Variants in DCC observed in about 807,000 individuals in gnomAD.
DCC encodes the protein netrin receptor DCC.
DCC carries 58 observed loss-of-function variants against 172.5 expected under a neutral mutation model. The observed-to-expected ratio is 0.34, with a 90% CI of 0.27 to 0.42. The LOEUF is 0.42. Ranked by LOEUF, DCC falls within the 10% of genes least tolerant of loss-of-function variation. The probability of loss-of-function intolerance (pLI) is 1.00; values close to 1 mark genes in which losing one functional copy is unlikely to be tolerated. For synonymous variants in DCC, 709 were observed against 644.5 expected, an observed-to-expected ratio of 1.10 and a Z score of -1.52; for missense variants, 1,740 against 1,791.0, an observed-to-expected ratio of 0.97 and a Z score of 0.51.
chr18:52,398,196 A>C (rs1383327545), intron 1 of DCC, among the ~76,000 whole-genome samples: 2 of 152,022 alleles, frequency 1.3e-5, no homozygotes, highest in Non-Finnish European at 2.9e-5. Flanking sequence ...GGATTTCACA[A>C]CTTTGGTCCC....
At chr18:53,465,986 G>A (rs1015355517) in intron 24 of DCC, among the ~76,000 whole-genome samples, 2 of 151,992 alleles carry the variant, frequency 1.3e-5, no homozygotes, top group Non-Finnish European at 2.9e-5. Context: ...GGATGGTCTC[G>A]ATCTCCTGAC....
chr18:52,538,778 T>C (rs1427189176), intron 1 of DCC, among the ~76,000 whole-genome samples: 3 of 152,206 alleles, frequency 2.0e-5, no homozygotes, highest in Non-Finnish European at 4.4e-5. Flanking sequence ...TTTTTTTTTC[T>C]TTTAACCTTG....
chr18:52,918,000 C>T (rs1392331308), intron 3 of DCC, among the ~76,000 whole-genome samples: 3 of 151,954 alleles, frequency 2.0e-5, no homozygotes, highest in African/African-American at 7.2e-5. Context: ...TTTCTGCTGG[C>T]TTGAATAAAA....
chr18:53,368,261 C>T (rs2058026157), intron 15 of DCC, among the ~76,000 whole-genome samples: 1 of 151,996 alleles, frequency 6.6e-6, no homozygotes, highest in South Asian at 2.1e-4. Context: ...TATTCATGTC[C>T]TTTTTCTGCT....
chr18:52,772,465 T>A (rs2037360783), intron 2 of DCC, among the ~76,000 whole-genome samples: 2 of 152,208 alleles, frequency 1.3e-5, no homozygotes, highest in African/African-American at 4.8e-5. Context: ...TTGAAAAATT[T>A]ATTCTGCTTT....
At chr18:53,236,614 TAAAGTC>T (rs990427017) in intron 12 of DCC, among the ~76,000 whole-genome samples, 1 of 152,108 alleles carries the variant, frequency 6.6e-6, no homozygotes, top group Non-Finnish European at 1.5e-5. Context: ...TTTATTTTGT[TAAAGTC>T]AGAGTTATTG....
At chr18:52,825,873 G>T (rs2038500225) in intron 2 of DCC, among the ~76,000 whole-genome samples, 1 of 152,126 alleles carries the variant, frequency 6.6e-6, no homozygotes, top group African/African-American at 2.4e-5. Flanking sequence ...TGCATGCCCA[G>T]GAGGCAAAAT....
chr18:52,937,329 G>T (rs1258969560), intron 5 of DCC, among the ~76,000 whole-genome samples: 1 of 152,038 alleles, frequency 6.6e-6, no homozygotes, highest in African/African-American at 2.4e-5. Context: ...AAGTAATTGT[G>T]GTTTTTGCCC....
At chr18:52,973,214 C>T (rs1427563847) in intron 5 of DCC, among the ~76,000 whole-genome samples, 2 of 152,034 alleles carry the variant, frequency 1.3e-5, no homozygotes, top group East Asian at 3.9e-4. Context: ...GGGGTTATAG[C>T]AATGTATTTT....
intron 25 of DCC, among the ~76,000 whole-genome samples, chr18:53,474,634 C>T (rs1320514497): frequency 6.6e-6 from 1 of 152,162 alleles, no homozygotes; most frequent in Non-Finnish European, 1.5e-5. Flanking sequence ...TCACCTTCTG[C>T]CATGATTGTA....
intron 7 of DCC, among the ~76,000 whole-genome samples, chr18:53,087,285 A>C (rs1599117120): frequency 6.6e-6 from 1 of 151,256 alleles, no homozygotes; most frequent in African/African-American, 2.4e-5. Context: ...CTTTTTAATG[A>C]TTGCCATTCT....
chr18:53,237,359 C>T (rs1300527678), intron 12 of DCC, among the ~76,000 whole-genome samples: 1 of 152,092 alleles, frequency 6.6e-6, no homozygotes, highest in Non-Finnish European at 1.5e-5. Context: ...TATATCTTGG[C>T]ATATTTGAAT....
rs185822075 is a variant in DCC, at chr18:53,022,698, G to A, written c.986-40607G>A. Among the ~76,000 whole-genome samples, 343 of 152,012 alleles carry A rather than the reference G, an allele frequency of 2.3e-3. 1 individual carries two copies. The highest frequency in any genetic ancestry group is 4.6e-4 in the Non-Finnish European group (31 of 67,962). On this transcript the variant is annotated intron_variant, in intron 5 of 28. Transcript: ENST00000442544. ...CAGATTATTTTTCTCCTTTTGCCCT[G>A]TTGGTAGAACTACTAACCCTATGAT...
At chr18:53,254,842 G>A (rs2056484162) in intron 12 of DCC, among the ~76,000 whole-genome samples, 1 of 151,978 alleles carries the variant, frequency 6.6e-6, no homozygotes, top group Non-Finnish European at 1.5e-5. Context: ...GCATCCATCA[G>A]CAATATTTCT....
intron 5 of DCC, among the ~76,000 whole-genome samples, chr18:53,062,624 T>A (rs117026102): frequency 1.3e-5 from 2 of 152,180 alleles, no homozygotes; most frequent in Admixed American, 1.3e-4. Flanking sequence ...ATATTTATAA[T>A]TTTCATTCAA....
chr18:52,798,370 C>A (rs2145221532), intron 2 of DCC, among the ~76,000 whole-genome samples: 1 of 152,180 alleles, frequency 6.6e-6, no homozygotes, highest in East Asian at 1.9e-4. Context: ...AGTTTCTTTT[C>A]TTTTTAAAAA....
intron 1 of DCC, among the ~76,000 whole-genome samples, chr18:52,591,885 A>T (rs2033809718): frequency 6.8e-6 from 1 of 146,466 alleles, no homozygotes; most frequent in Non-Finnish European, 1.5e-5. Flanking sequence ...AAGCTCTAGG[A>T]TTACATGCCC....
intron 7 of DCC, among the ~76,000 whole-genome samples, chr18:53,115,402 T>G (rs1033631538): frequency 1.3e-5 from 2 of 150,794 alleles, no homozygotes; most frequent in African/African-American, 4.9e-5. Context: ...AAAGTTGGGG[T>G]GTGTGTGTGT....
intron 2 of DCC, among the ~76,000 whole-genome samples, chr18:52,827,871 G>C (rs931201216): frequency 1.3e-5 from 2 of 152,310 alleles, no homozygotes; most frequent in East Asian, 1.9e-4. Flanking sequence ...GGCTGGGTTC[G>C]TAGGTGTGTG....
Sources: gnomAD v4.1 joint callset for allele counts (sites outside exome capture counted in the v4.1 genomes callset) on GRCh38, gnomAD v4.1.1 for gene constraint, MANE v1.5 for transcripts, NCBI Gene and HGNC (gene_info 2026-07-23, HGNC 2026-07-21) for gene names.